The following GABRA3 variants were observed in gnomAD, a reference collection of about 807,000 sequenced individuals.
The protein encoded by GABRA3 is gamma-aminobutyric acid type A receptor subunit alpha3.
In GABRA3, 10 loss-of-function variants were observed where a neutral mutation model predicts 30.1. The observed-to-expected ratio is 0.33, with a 90% CI of 0.20 to 0.56. GABRA3 has a LOEUF of 0.56. Ranked by LOEUF, GABRA3 falls within the 20% of genes least tolerant of loss-of-function variation. The probability of loss-of-function intolerance (pLI) is 0.89; values close to 1 mark genes in which losing one functional copy is unlikely to be tolerated. For missense variants in GABRA3, 233 were observed against 392.0 expected (o/e 0.59, Z 3.42); for synonymous variants, 151 against 146.8 (o/e 1.03, Z -0.21).
chrX:152,348,596 AACTG>A (rs1161740496), intron 2 of GABRA3, among the ~76,000 whole-genome samples: 1 of 111,530 alleles, frequency 9.0e-6, no homozygotes, highest in Non-Finnish European at 1.9e-5. Flanking sequence ...CTCTGCCACT[AACTG>A]ACTGTGAGAC....
intron 1 of GABRA3, among the ~76,000 whole-genome samples, chrX:152,418,910 G>T (rs1451324009): frequency 1.8e-5 from 2 of 111,670 alleles, no homozygotes; most frequent in Admixed American, 9.5e-5. Context: ...ATCAATGATA[G>T]ACTGGATTAA....
chrX:152,383,760 C>T (rs112329357), intron 1 of GABRA3, among the ~76,000 whole-genome samples: 3 of 108,580 alleles, frequency 2.8e-5, no homozygotes, highest in Admixed American at 9.9e-5. Context: ...TTCTCGACAG[C>T]GAAAAGTTAA....
intron 3 of GABRA3, among the ~76,000 whole-genome samples, chrX:152,286,175 A>G (rs1330355286): frequency 1.0e-5 from 1 of 98,361 alleles, no homozygotes; most frequent in African/African-American, 3.8e-5. Flanking sequence ...AGTATAGTAT[A>G]TAAGTTATAT....
At chrX:152,218,122 C>T (rs752154898) in intron 6 of GABRA3, among the ~76,000 whole-genome samples, 2 of 109,053 alleles carry the variant, frequency 1.8e-5, no homozygotes, top group South Asian at 7.9e-4. Flanking sequence ...CTAAGCACTG[C>T]TTTAAGCTGA....
intron 3 of GABRA3, among the ~76,000 whole-genome samples, chrX:152,299,687 T>C (rs929813385): frequency 9.8e-5 from 11 of 111,848 alleles, no homozygotes; most frequent in African/African-American, 3.6e-4. Flanking sequence ...AAGTGCACTA[T>C]AGTCTTTCTC....
At chrX:152,391,516 C>T (rs867738117) in intron 1 of GABRA3, among the ~76,000 whole-genome samples, 6 of 111,071 alleles carry the variant, frequency 5.4e-5, no homozygotes, top group Middle Eastern at 4.6e-3. Context: ...CCATGACATG[C>T]GCTCCAATGA....
intron 4 of GABRA3, among the ~76,000 whole-genome samples, chrX:152,278,007 A>G (rs1939119889): frequency 8.9e-6 from 1 of 112,006 alleles, no homozygotes; most frequent in Admixed American, 9.5e-5. Context: ...ACTCCCTCTT[A>G]TTTTGGCCAT....
intron 8 of GABRA3, among the ~76,000 whole-genome samples, chrX:152,190,158 C>G (rs1034019479): frequency 7.2e-5 from 8 of 111,448 alleles, no homozygotes; most frequent in African/African-American, 2.3e-4. Flanking sequence ...ATATAGGCAT[C>G]TGCAATGGAT....
chrX:152,194,865 T>A (rs1289323681), intron 8 of GABRA3, among the ~76,000 whole-genome samples: 1 of 110,718 alleles, frequency 9.0e-6, no homozygotes, highest in African/African-American at 3.3e-5. Flanking sequence ...GCCCAAGCAA[T>A]CCTCTCACCT....
chrX:152,211,969 A>C, intron 6 of GABRA3, among the ~76,000 whole-genome samples: 1 of 110,216 alleles, frequency 9.1e-6, no homozygotes, highest in East Asian at 2.9e-4. Context: ...GGCCAGAAGG[A>C]AGCTTAATAA....
intron 3 of GABRA3, among the ~76,000 whole-genome samples, chrX:152,339,585 C>T (rs766343687): frequency 8.9e-4 from 100 of 111,871 alleles, no homozygotes; most frequent in Non-Finnish European, 1.5e-3. Flanking sequence ...TTGCAGTACA[C>T]TTGAAGAGAA....
At chrX:152,219,251 T>A (rs1937786899) in intron 6 of GABRA3, among the ~76,000 whole-genome samples, 1 of 110,700 alleles carries the variant, frequency 9.0e-6, no homozygotes, top group Non-Finnish European at 1.9e-5. Flanking sequence ...GACACCTAAA[T>A]TAAATCTCCA....
In GABRA3 at chrX:152,364,537, T is replaced by A. The variant is rs61734348; in HGVS notation, c.34A>T (p.Thr12Ser). 2.6e-4 allele frequency: 312 copies of A among 1,207,034 alleles called. No homozygotes were observed. In the African/African-American group the frequency reaches 4.3e-3, roughly 17 times the overall value. The change falls in exon 2 of 10, where the codon ACC becomes TCC. Residue 12 changes from threonine to serine, a missense_variant. By Grantham distance (58) the Thr-to-Ser change is moderately conservative. Coordinates refer to ENST00000370314, the MANE Select transcript of GABRA3 (RefSeq NM_000808.4). ...IITQTSHCYM[T>S]SLGILFLINI... is the part of the protein sequence containing the mutation. ...ATCAGGAAAAGAATCCCAAGGCTGG[T>A]CATGTAACAGTGACTTGTTTGTGTG...
intron 9 of GABRA3, among the ~76,000 whole-genome samples, chrX:152,175,244 CA>C (rs1236214710): frequency 8.8e-4 from 91 of 102,874 alleles, no homozygotes; most frequent in African/African-American, 3.2e-3. Context: ...CCATCAATAG[CA>C]ATGGATTTTT....
intron 4 of GABRA3, among the ~76,000 whole-genome samples, chrX:152,267,956 T>G (rs1275896675): frequency 1.8e-5 from 2 of 109,922 alleles, no homozygotes; most frequent in Non-Finnish European, 3.8e-5. Flanking sequence ...TTCATTGATC[T>G]TCTGTATATT....
intron 1 of GABRA3, chrX:152,392,103 T>C (rs1929501073): frequency 3.5e-6 from 1 of 289,729 alleles, no homozygotes; most frequent in African/African-American, 2.7e-5. Flanking sequence ...CAGTGAGCAT[T>C]GTGCACATAC....
intron 4 of GABRA3, among the ~76,000 whole-genome samples, chrX:152,258,170 AATT>A (rs1346602903): frequency 2.0e-4 from 22 of 112,232 alleles, no homozygotes; most frequent in African/African-American, 7.1e-4. Flanking sequence ...AAAAAACTAT[AATT>A]AAAATTATAA....
chrX:152,210,557 T>C (rs749473207), intron 6 of GABRA3, among the ~76,000 whole-genome samples: 3 of 112,383 alleles, frequency 2.7e-5, no homozygotes, highest in Non-Finnish European at 5.6e-5. Flanking sequence ...TTGGCCTCGA[T>C]TGATTGAAGC....
intron 7 of GABRA3, among the ~76,000 whole-genome samples, chrX:152,200,377 T>C (rs1173782337): frequency 1.8e-5 from 2 of 112,540 alleles, no homozygotes; most frequent in Non-Finnish European, 3.7e-5. Context: ...CCTTATTGAA[T>C]ATGTATTCAC....
Sources: allele counts gnomAD v4.1 joint callset (sites outside exome capture counted in the v4.1 genomes callset), GRCh38; gene constraint gnomAD v4.1.1; transcripts MANE v1.5; gene names NCBI Gene and HGNC (gene_info 2026-07-23, HGNC 2026-07-21).